KIF17: variants seen among roughly 807,000 people sequenced by gnomAD.
The protein encoded by KIF17 is kinesin-like protein KIF17.
A neutral mutation model predicts 96.8 loss-of-function variants in KIF17; 80 were observed. That is an observed-to-expected ratio of 0.83 (90% confidence interval 0.69 to 1.00). KIF17 has a LOEUF of 1.00. Ranked by LOEUF, KIF17 falls within the 50% of genes least tolerant of loss-of-function variation. The pLI is 0.00. For synonymous variants in KIF17, 567 were observed against 587.5 expected, an observed-to-expected ratio of 0.97 and a Z score of 0.51; for missense variants, 1,280 against 1,372.9, an observed-to-expected ratio of 0.93 and a Z score of 1.07.
chr1:20,687,561 G>C lies in KIF17; in HGVS notation c.1765C>G (p.Leu589Val). ...GGGAGGTAGTTCTGTTCCCCCAGCA[G>C]GTGCCCAGCGGCCTCCTGCCCGAGG... ...ECLGQEAAGH[L>V]LGEQNYLPQE... Residue 589 changes from leucine (L) to valine (V), a missense_variant, in exon 8 of 15, where the codon CTG becomes GTG. Leu to Val is a conservative substitution (Grantham distance 32, BLOSUM62 1). Transcript: ENST00000400463. This position sits in a 1 kb window ranked among gnomAD's most constrained non-coding sequence, Gnocchi z 4.4. 1.2e-6 allele frequency: 2 copies of C among 1,613,892 alleles called. No homozygotes were observed. The highest frequency in any genetic ancestry group is 3.3e-4 in the Middle Eastern group (2 of 6,014).
At position 20,698,359 on chromosome 1, in the gene KIF17, C is replaced by T; in HGVS notation, c.1233+20G>A. The T allele has an allele frequency of 6.3e-7, 1 of 1,579,764 alleles. No homozygotes were observed. The highest frequency in any genetic ancestry group is 8.7e-7 in the Non-Finnish European group (1 of 1,149,328). On this transcript the variant is annotated intron_variant, in intron 6 of 14. Transcript: ENST00000400463. The stretch of plus-strand genomic sequence containing the variant: ...CACCTGCCTGTCCCTTCTCCATGTT[C>T]CCACCCGCTTGGGTCTCACCTCCCG...
rs1172724313 is a variant in KIF17, at chr1:20,707,780, AATGTGT to A, written c.670+1853_670+1858del. ...GCTGTCTCAAAAAAAAAAACAAACC[AATGTGT>A]ATGTGTGTGTGTGTGTGTGTGTGTG... is the stretch of plus-strand genomic sequence containing the variant. On this transcript the variant is annotated intron_variant, in intron 4 of 14. Coordinates refer to ENST00000400463, the MANE Select transcript of KIF17 (RefSeq NM_001122819.3). Among the ~76,000 whole-genome samples the A allele has an allele frequency of 2.9e-3, 285 of 99,926 alleles. 2 individuals are homozygous for A. Among genetic ancestry groups the A allele is most frequent in the African/African-American group, 0.011 (220 of 19,338 alleles). 65.6% of individuals were successfully genotyped at this position (99,926 alleles called of 152,430 possible).
At chr1:20,686,966 T>C (rs927802116) in intron 8 of KIF17, among the ~76,000 whole-genome samples, 1 of 152,074 alleles carries the variant, frequency 6.6e-6, no homozygotes. Flanking sequence ...TCGTGGTCAC[T>C]GAAAGGTGGC....
At chr1:20,674,617 A>C (rs2154535266) in intron 11 of KIF17, among the ~76,000 whole-genome samples, 1 of 147,336 alleles carries the variant, frequency 6.8e-6, no homozygotes, top group Non-Finnish European at 1.5e-5. Flanking sequence ...TTGGTGTCAT[A>C]CCTAAGAAAC....
Position 20,685,026 on chromosome 1 carries a change from T to C in KIF17, c.2020-6A>G, listed in dbSNP as rs188255115. On this transcript the variant is annotated splice_region_variant and splice_polypyrimidine_tract_variant and intron_variant, in intron 9 of 14. Coordinates refer to ENST00000400463, the MANE Select transcript of KIF17 (RefSeq NM_001122819.3). The surrounding 1 kb of genome is among the most constrained non-coding windows in gnomAD (Gnocchi z 4.1). ...TCCGAGGCCAGATCTACCTCCTGAG[T>C]GTGAAGAGAAACCCAGGTGGAGGTG... 2.6e-3 allele frequency: 4,174 copies of C among 1,581,668 alleles called. 11 individuals are homozygous for C. The highest frequency in any genetic ancestry group is 3.1e-3 in the Non-Finnish European group (3,568 of 1,163,704).
chr1:20,703,170 G>GGATGAATGGATGA (rs1557600773), intron 5 of KIF17, among the ~76,000 whole-genome samples: 1 of 144,976 alleles, frequency 6.9e-6, no homozygotes, highest in Non-Finnish European at 1.5e-5. Context: ...GATGGAGATG[G>GGATGAATGGATGA]ATGGATGAAT....
intron 8 of KIF17, among the ~76,000 whole-genome samples, chr1:20,686,641 C>T (rs969879518): frequency 2.0e-5 from 3 of 152,102 alleles, no homozygotes; most frequent in African/African-American, 7.2e-5. Flanking sequence ...CTGCAACCTC[C>T]GTCTCCCGGG....
Position 20,699,229 on chromosome 1 carries a change from G to A in KIF17, c.1124-741C>T, listed in dbSNP as rs943095014. Among the ~76,000 whole-genome samples the A allele has an allele frequency of 6.6e-5, 10 of 152,170 alleles. No individual in the cohort carries two copies. Among genetic ancestry groups the A allele is most frequent in the African/African-American group, 2.2e-4 (9 of 41,438 alleles). Reference sequence around the variant, plus strand: ...CTGCGAAAGTGCTGGGATTACAGGGGTGAGCTGCCTTGCCCGGCCCAAGTT... The same window carrying A: ...CTGCGAAAGTGCTGGGATTACAGGGATGAGCTGCCTTGCCCGGCCCAAGTT... On this transcript the variant is annotated intron_variant, in intron 5 of 14. Transcript: ENST00000400463. The surrounding 1 kb of genome is among the most constrained non-coding windows in gnomAD (Gnocchi z 4.3).
At position 20,672,161 on chromosome 1, in the gene KIF17, C is replaced by A; in HGVS notation, c.2499G>T (p.Gln833His). ...CGATCTTCTCCAGCTGAAACTCGGA[C>A]TGCAGATCTTTGATCTCCACCTCTG... ...RAAEVEIKDL[Q>H]SEFQLEKIDY... is the part of the protein sequence containing the mutation. Residue 833 changes from glutamine (Q) to histidine (H), a missense_variant, in exon 12 of 15, where the codon CAG becomes CAT. Coordinates refer to ENST00000400463, the MANE Select transcript of KIF17 (RefSeq NM_001122819.3). This position sits in a 1 kb window ranked among gnomAD's most constrained non-coding sequence, Gnocchi z 4.3. 6.2e-7 allele frequency: 1 copy of A among 1,614,184 alleles called. No individual in the cohort carries two copies. Among genetic ancestry groups the A allele is most frequent in the South Asian group, 1.1e-5 (1 of 91,090 alleles).
At chr1:20,696,527 G>T (rs562760447) in intron 6 of KIF17, among the ~76,000 whole-genome samples, 1 of 151,926 alleles carries the variant, frequency 6.6e-6, no homozygotes, top group Admixed American at 6.5e-5. Context: ...CCCATCCCCA[G>T]GGCAGAAGGC....
chr1:20,695,132 ACACACG>A (rs1479592057), intron 6 of KIF17, among the ~76,000 whole-genome samples: 2 of 148,040 alleles, frequency 1.4e-5, no homozygotes, highest in South Asian at 4.3e-4. Flanking sequence ...ACACACGCAC[ACACACG>A]CACACACACA....
chr1:20,672,294 G>A lies in KIF17; in HGVS notation c.2464-98C>T, dbSNP rs151060180. On this transcript the variant is annotated intron_variant, in intron 11 of 14. Transcript: ENST00000400463. The surrounding 1 kb of genome is among the most constrained non-coding windows in gnomAD (Gnocchi z 4.3). ...ACTGTCCTGCCAGCAGCCACGCATCGTCTGTTCATTGGCCTGATCAGCCAT... is the reference window on the plus strand; with the variant it reads ...ACTGTCCTGCCAGCAGCCACGCATCATCTGTTCATTGGCCTGATCAGCCAT... 1.7e-4 allele frequency: 259 copies of A among 1,481,614 alleles called. 1 individual carries two copies. The African/African-American group carries it at 2.8e-3, about 16-fold the overall frequency. The allele number at this position is 1,481,614 out of a possible 1,614,324, so 91.8% of individuals were successfully genotyped here. A position where few individuals can be genotyped will look rare whatever the true frequency, so the allele number is the denominator to read the frequency against.
At chr1:20,689,802 T>C (rs1233715413) in intron 7 of KIF17, among the ~76,000 whole-genome samples, 1 of 151,998 alleles carries the variant, frequency 6.6e-6, no homozygotes, top group African/African-American at 2.4e-5. Context: ...AACACAGCAA[T>C]TCGGGGCAGG....
intron 11 of KIF17, among the ~76,000 whole-genome samples, chr1:20,678,837 AAGGTGCTGCATTT>A (rs2053781245): frequency 6.6e-6 from 1 of 152,124 alleles, no homozygotes; most frequent in Admixed American, 6.6e-5. Flanking sequence ...TAGTCTCCGG[AAGGTGCTGCATTT>A]AGAAGTGGGA....
intron 5 of KIF17, among the ~76,000 whole-genome samples, chr1:20,703,761 T>C (rs1055568959): frequency 6.6e-6 from 1 of 151,966 alleles, no homozygotes; most frequent in Admixed American, 6.6e-5. Flanking sequence ...CCCAAGTATT[T>C]TGTGTTCCCT....
At position 20,709,970 on chromosome 1, in the gene KIF17, C is replaced by A. The variant is rs1385365315; in HGVS notation, c.481-142G>T. On this transcript the variant is annotated intron_variant, in intron 3 of 14. Coordinates refer to ENST00000400463, the MANE Select transcript of KIF17 (RefSeq NM_001122819.3). This position sits in a 1 kb window ranked among gnomAD's most constrained non-coding sequence, Gnocchi z 4.7. The stretch of plus-strand genomic sequence containing the variant: ...GCAGGCTGGCACCTCACATGCCTGT[C>A]ACAGGGAGGGGTGTGTTCCAGGCCC... 2.6e-6 allele frequency: 2 copies of A among 781,602 alleles called. No individual in the cohort carries two copies. Among genetic ancestry groups the A allele is most frequent in the African/African-American group, 3.4e-5 (2 of 58,756 alleles). The allele number at this position is 781,602 out of a possible 1,614,324, so 48.4% of individuals were successfully genotyped here.
At chr1:20,678,466 A>G (rs186018147) in intron 11 of KIF17, among the ~76,000 whole-genome samples, 3 of 152,212 alleles carry the variant, frequency 2.0e-5, no homozygotes, top group Non-Finnish European at 4.4e-5. Context: ...GGATGAAAAC[A>G]TCCATCTAAG....
At chr1:20,674,700 C>T (rs2053706388) in intron 11 of KIF17, among the ~76,000 whole-genome samples, 1 of 151,700 alleles carries the variant, frequency 6.6e-6, no homozygotes, top group Non-Finnish European at 1.5e-5. Flanking sequence ...TTGGCTCTTA[C>T]ATTTAGGTTT....
At chr1:20,713,135 G>A (rs2054507530) in intron 3 of KIF17, among the ~76,000 whole-genome samples, 1 of 150,290 alleles carries the variant, frequency 6.7e-6, no homozygotes, top group Admixed American at 6.7e-5. Context: ...AGCTGGGACT[G>A]TAGGCATGCA....
Sources: allele counts gnomAD v4.1 joint callset (sites outside exome capture counted in the v4.1 genomes callset), GRCh38; gene constraint gnomAD v4.1.1; non-coding constraint Gnocchi (gnomAD v3.1); transcripts MANE v1.5; gene names NCBI Gene and HGNC (gene_info 2026-07-23, HGNC 2026-07-21).